Variants in DDX50 observed in about 807,000 individuals in gnomAD.
The protein encoded by DDX50 is ATP-dependent RNA helicase DDX50.
DDX50 carries 56 observed loss-of-function variants against 94.8 expected under a neutral mutation model. The ratio of observed to expected loss-of-function variants is 0.59; its 90% CI spans 0.48 to 0.74. The LOEUF is 0.74. Ranked by LOEUF, DDX50 falls within the 30% of genes least tolerant of loss-of-function variation. DDX50 has a pLI of 0.00. For missense variants in DDX50, 713 were observed against 881.2 expected (o/e 0.81, Z 2.42); for synonymous variants, 264 against 295.4 (o/e 0.89, Z 1.09).
chr10:68,936,658 G>A (rs1340659502), intron 11 of DDX50, among the ~76,000 whole-genome samples: 1 of 150,090 alleles, frequency 6.7e-6, no homozygotes, highest in Non-Finnish European at 1.5e-5. Flanking sequence ...GGCCAACATG[G>A]CGAAACCTTG....
chr10:68,937,044 C>T lies in DDX50; in HGVS notation c.1704C>T (p.His568=). ...ATGCATTGGCTGCAGCTTTAGCCCA[C>T]ATTTCTGGTGCATCAAGCTTTGAAC... ...AVDALAAALA[H]ISGASSFEPR... Residue 568 remains histidine, a synonymous_variant, in exon 12 of 15, where the codon CAC becomes CAT. Coordinates refer to ENST00000373585, the MANE Select transcript of DDX50 (RefSeq NM_024045.2). 1 of 1,613,126 alleles carries T rather than the reference C, an allele frequency of 6.2e-7. No homozygotes were observed. The highest frequency in any genetic ancestry group is 8.5e-7 in the Non-Finnish European group (1 of 1,179,888).
intron 8 of DDX50, among the ~76,000 whole-genome samples, chr10:68,930,776 C>G (rs1286296499): frequency 6.6e-6 from 1 of 152,226 alleles, no homozygotes; most frequent in Non-Finnish European, 1.5e-5. Flanking sequence ...ACCTCAGCCT[C>G]CCAAGTAGCT....
intron 14 of DDX50, 97 bp downstream of exon 14, chr10:68,943,354 C>T (rs1842595130): frequency 1.0e-6 from 1 of 967,992 alleles, no homozygotes; most frequent in African/African-American, 1.7e-5. Flanking sequence ...CATTATCATG[C>T]CTAAATCAAT....
At chr10:68,920,492 T>A (rs1841912508) in intron 8 of DDX50, among the ~76,000 whole-genome samples, 1 of 152,210 alleles carries the variant, frequency 6.6e-6, no homozygotes, top group Non-Finnish European at 1.5e-5. Context: ...AGTTTTTTTT[T>A]AAGACTTTGA....
rs746345257 is a variant in DDX50, at chr10:68,946,484, TCAGGCCGGTCAGGTGGTCGATCTG to T, written c.2069_2092del (p.Ser690_Gly698delinsCys). On this transcript the variant is annotated inframe_deletion, in exon 15 of 15. Transcript: ENST00000373585. ...CTGGTCAAGTGGTCGATCAGGCCGGTCAGGCCGGTCAGGTGGTCGATCTGGCGGCCGGTCAGGTAGACAGAGTCG... is the reference window on the plus strand; with the variant it reads ...CTGGTCAAGTGGTCGATCAGGCCGGTGCGGCCGGTCAGGTAGACAGAGTCG... The T allele has an allele frequency of 6.2e-7, 1 of 1,614,150 alleles. No homozygotes were observed. The highest frequency in any genetic ancestry group is 8.5e-7 in the Non-Finnish European group (1 of 1,180,006).
chr10:68,923,568 A>G (rs1841998594), intron 8 of DDX50, among the ~76,000 whole-genome samples: 1 of 151,806 alleles, frequency 6.6e-6, no homozygotes, highest in African/African-American at 2.4e-5. Flanking sequence ...GTTGAGACAC[A>G]GTTTCACTCT....
In DDX50 at chr10:68,941,794, T is replaced by C. The variant is rs1419400988; in HGVS notation, c.1890+600T>C. ...AGCTGAGATTACAGGTGCCCGCCAC[T>C]ATGCCCAGCTAATTTTTGTATTTTT... On this transcript the variant is annotated intron_variant, in intron 13 of 14. Coordinates refer to ENST00000373585, the MANE Select transcript of DDX50 (RefSeq NM_024045.2). Among the ~76,000 whole-genome samples the C allele has an allele frequency of 2.6e-5, 4 of 152,078 alleles. No homozygotes were observed. In the East Asian group the frequency reaches 5.8e-4, roughly 22 times the overall value.
At position 68,910,368 on chromosome 10, in the gene DDX50, TA is replaced by T; in HGVS notation, c.449del (p.Lys150SerfsTer3). ...AATTTTCCTATTTCTGAAGAGACTA[TA>T]AAGCTTCTGAAAGGTATGCAGTTTG... is the stretch of plus-strand genomic sequence containing the variant. ...FSNFPISEET[I>X]KLLKGRGVTY... On this transcript the variant is annotated frameshift_variant, in exon 3 of 15. Transcript: ENST00000373585. LOFTEE classifies it high-confidence loss of function. 6.2e-7 allele frequency: 1 copy of T among 1,605,262 alleles called. No individual in the cohort carries two copies. Among genetic ancestry groups the T allele is most frequent in the Non-Finnish European group, 8.5e-7 (1 of 1,177,588 alleles).
chr10:68,906,130 G>A (rs1392638932), intron 1 of DDX50: 1 of 152,386 alleles, frequency 6.6e-6, no homozygotes, highest in Non-Finnish European at 1.5e-5. Context: ...AGACTATAAA[G>A]AGCCTCACGT....
intron 8 of DDX50, among the ~76,000 whole-genome samples, chr10:68,930,549 A>T (rs1288240436): frequency 1.4e-5 from 1 of 69,454 alleles, no homozygotes; most frequent in Non-Finnish European, 2.7e-5. Context: ...TAGTTCTTGA[A>T]TTCAGTTATG....
intron 13 of DDX50, among the ~76,000 whole-genome samples, chr10:68,942,434 A>G (rs755380954): frequency 1.3e-5 from 2 of 152,222 alleles, no homozygotes; most frequent in African/African-American, 2.4e-5. Flanking sequence ...TGGGGCAAGT[A>G]TGAGACAAAT....
At chr10:68,928,874 C>T (rs1346111295) in intron 8 of DDX50, among the ~76,000 whole-genome samples, 1 of 152,206 alleles carries the variant, frequency 6.6e-6, no homozygotes, top group Non-Finnish European at 1.5e-5. Flanking sequence ...TATTCCTTAC[C>T]CTTGGCCATC....
At chr10:68,938,974 C>G (rs1168417949) in intron 12 of DDX50, among the ~76,000 whole-genome samples, 1 of 152,136 alleles carries the variant, frequency 6.6e-6, no homozygotes, top group Non-Finnish European at 1.5e-5. Context: ...CTTCAAGCAT[C>G]ATTTAACTTT....
rs1035652891 is a variant in DDX50, at chr10:68,940,988, ATTATAGAG to A, written c.1756-68_1756-61del. ...GAAATGCACAGTTAAGTCTTGAAGG[ATTATAGAG>A]TTAGAATTTCATTGTACTGCTGCTG... On this transcript the variant is annotated intron_variant, in intron 12 of 14. Coordinates refer to ENST00000373585, the MANE Select transcript of DDX50 (RefSeq NM_024045.2). The A allele has an allele frequency of 2.5e-5, 39 of 1,545,278 alleles. No homozygotes were observed. In the African/African-American group the frequency reaches 4.3e-4, roughly 17 times the overall value.
intron 6 of DDX50, 55 bp from the exon 7 acceptor site, chr10:68,914,004 C>T (rs1402896601): frequency 1.7e-5 from 24 of 1,436,722 alleles, no homozygotes; most frequent in Admixed American, 5.8e-5. Flanking sequence ...TTTTTAAGAG[C>T]GGGCTACATC....
intron 8 of DDX50, among the ~76,000 whole-genome samples, chr10:68,929,298 T>C (rs1419997424): frequency 8.3e-5 from 11 of 132,368 alleles, no homozygotes; most frequent in South Asian, 4.4e-4. Context: ...CCTTCCTCTC[T>C]CTCTCTCTCT....
intron 6 of DDX50, 69 bp from the exon 7 acceptor site, chr10:68,913,990 A>G: frequency 7.3e-7 from 1 of 1,360,754 alleles, no homozygotes; most frequent in Non-Finnish European, 9.8e-7. Context: ...GAAGCTTGGG[A>G]GGATTTTTAA....
chr10:68,925,912 G>A (rs1004006219), intron 8 of DDX50, among the ~76,000 whole-genome samples: 12 of 151,080 alleles, frequency 7.9e-5, no homozygotes, highest in Non-Finnish European at 1.6e-4. Flanking sequence ...TGCGTGGGAG[G>A]CCGAGGCACG....
intron 8 of DDX50, among the ~76,000 whole-genome samples, chr10:68,929,108 C>T (rs984055097): frequency 8.6e-5 from 13 of 151,878 alleles, no homozygotes; most frequent in Admixed American, 3.3e-4. Flanking sequence ...CACCACGCCT[C>T]GCTAATTTTT....
Sources: gnomAD v4.1 joint callset for allele counts (sites outside exome capture counted in the v4.1 genomes callset) on GRCh38, gnomAD v4.1.1 for gene constraint, MANE v1.5 for transcripts, NCBI Gene and HGNC (gene_info 2026-07-23, HGNC 2026-07-21) for gene names.